LRRC49: variants seen among roughly 807,000 people sequenced by gnomAD.
The protein encoded by LRRC49 is leucine-rich repeat-containing protein 49.
A neutral mutation model predicts 83.3 loss-of-function variants in LRRC49; 50 were observed. That is an observed-to-expected ratio of 0.60 (90% CI 0.48 to 0.76). LRRC49 has a LOEUF of 0.76. Among genes scored for constraint, LRRC49 ranks in the 30% least tolerant of loss-of-function variants. LRRC49 has a pLI of 0.00. For synonymous variants in LRRC49, 286 were observed against 283.3 expected (o/e 1.01, Z -0.10); for missense variants, 704 against 809.1 (o/e 0.87, Z 1.58).
At chr15:70,940,505 A>C (rs1309409686) in intron 8 of LRRC49, among the ~76,000 whole-genome samples, 1 of 152,000 alleles carries the variant, frequency 6.6e-6, no homozygotes, top group African/African-American at 2.4e-5. Flanking sequence ...GGCCTCCCAA[A>C]GTGCTGGGAT....
At chr15:71,011,238 T>C (rs1057287054) in intron 13 of LRRC49, among the ~76,000 whole-genome samples, 1 of 152,118 alleles carries the variant, frequency 6.6e-6, no homozygotes, top group African/African-American at 2.4e-5. Context: ...TCCTAAAGGT[T>C]TTCAAAGTTA....
chr15:70,911,501 G>A (rs373683995), intron 5 of LRRC49, 31 bp from the exon 6 acceptor site: 20 of 1,256,316 alleles, frequency 1.6e-5, no homozygotes, highest in South Asian at 1.4e-4. Context: ...TGATACATCC[G>A]TATTTCTATT....
chr15:71,018,566 A>C (rs1428300458), intron 14 of LRRC49, among the ~76,000 whole-genome samples: 5 of 152,216 alleles, frequency 3.3e-5, no homozygotes, highest in African/African-American at 1.2e-4. Context: ...CAAAGCTCTT[A>C]GAACCGAACT....
chr15:70,969,522 T>A (rs1429022964), intron 9 of LRRC49, among the ~76,000 whole-genome samples: 1 of 152,230 alleles, frequency 6.6e-6, no homozygotes, highest in Non-Finnish European at 1.5e-5. Flanking sequence ...GTGAAGAAAG[T>A]CAATGGTAGC....
intron 15 of LRRC49, 99 bp from the exon 16 acceptor site, chr15:71,049,310 C>T (rs552322185): frequency 3.3e-5 from 25 of 748,124 alleles, no homozygotes; most frequent in Non-Finnish European, 5.4e-5. Context: ...AATAGGGGGT[C>T]AGAATAAATT....
At chr15:70,894,472 C>G (rs1881568) in intron 2 of LRRC49, 343,018 of 345,670 alleles carry the variant, frequency 0.99, 170,252 homozygotes, top group East Asian at 1. Flanking sequence ...AAGATTATTT[C>G]CCCATAATGT....
At chr15:70,931,975 C>T (rs569055021) in intron 7 of LRRC49, among the ~76,000 whole-genome samples, 27 of 152,194 alleles carry the variant, frequency 1.8e-4, no homozygotes, top group Admixed American at 3.3e-4. Flanking sequence ...TTATTGATTT[C>T]CTCAAAGCTG....
chr15:70,973,895 G>A (rs2037105953), intron 9 of LRRC49, among the ~76,000 whole-genome samples: 1 of 152,102 alleles, frequency 6.6e-6, no homozygotes, highest in South Asian at 2.1e-4. Context: ...TTGGGAGGTT[G>A]AGGTGGGCGG....
chr15:70,960,958 G>A (rs919626311), intron 8 of LRRC49, among the ~76,000 whole-genome samples: 1 of 152,092 alleles, frequency 6.6e-6, no homozygotes. Context: ...AGAAACATCT[G>A]TTCTGTGAAA....
At chr15:70,987,242 T>C (rs1470790512) in intron 11 of LRRC49, among the ~76,000 whole-genome samples, 4 of 152,216 alleles carry the variant, frequency 2.6e-5, no homozygotes, top group Non-Finnish European at 5.9e-5. Context: ...CTGGTAGAAT[T>C]CGGCTGTGAA....
intron 14 of LRRC49, among the ~76,000 whole-genome samples, chr15:71,029,587 G>C (rs948877929): frequency 1.3e-5 from 2 of 152,106 alleles, no homozygotes; most frequent in African/African-American, 4.8e-5. Context: ...TTAATTTTGT[G>C]TCTTGTTGAT....
At chr15:70,892,255 C>T, upstream of LRRC49, 1 of 1,576,606 alleles carries the variant, frequency 6.3e-7, no homozygotes, top group South Asian at 1.2e-5. Flanking sequence ...AGTGGGCGGC[C>T]ACACAACGGG....
intron 2 of LRRC49, chr15:70,873,316 C>T (rs780616283): frequency 3.6e-5 from 46 of 1,294,272 alleles, no homozygotes; most frequent in Non-Finnish European, 4.6e-5. Flanking sequence ...GGTCAAAATA[C>T]TAACTAAAGC....
intron 9 of LRRC49, among the ~76,000 whole-genome samples, chr15:70,966,358 T>C (rs899035337): frequency 6.6e-6 from 1 of 152,078 alleles, no homozygotes; most frequent in Non-Finnish European, 1.5e-5. Context: ...GGCAAATTAG[T>C]AGCTCAAATA....
In LRRC49 at chr15:70,894,097, TG is replaced by T. The variant is rs2033718261; in HGVS notation, c.105+458del. 3.3e-5 allele frequency among the ~76,000 whole-genome samples: 5 copies of T among 152,308 alleles called. No individual in the cohort carries two copies. The South Asian group carries it at 1.0e-3, about 32-fold the overall frequency. On this transcript the variant is annotated intron_variant, in intron 2 of 15. Transcript: ENST00000260382. ...TTTTTTGTAGAGACAGGTTTCACCA[TG>T]TTGCCCAGGCTGTTCTCGAGCTCCT...
chr15:70,919,104 G>T lies in LRRC49; in HGVS notation c.622G>T (p.Ala208Ser), dbSNP rs1363357837. 6.2e-7 allele frequency: 1 copy of T among 1,611,998 alleles called. No homozygotes were observed. The highest frequency in any genetic ancestry group is 1.3e-5 in the African/African-American group (1 of 74,942). Residue 208 changes from alanine to serine, a missense_variant, in exon 7 of 16, where the codon GCC becomes TCC. Coordinates refer to ENST00000260382, the MANE Select transcript of LRRC49 (RefSeq NM_017691.5). ...GTGTGAGTTGAGAGTTTTAAATCTTGCCAGGAACTTTTTAAGTCATGTTGA... is the reference window on the plus strand; with the variant it reads ...GTGTGAGTTGAGAGTTTTAAATCTTTCCAGGAACTTTTTAAGTCATGTTGA... ...HLCELRVLNL[A>S]RNFLSHVDNL...
At chr15:70,976,416 T>C (rs888034291) in intron 9 of LRRC49, among the ~76,000 whole-genome samples, 17 of 152,216 alleles carry the variant, frequency 1.1e-4, no homozygotes, top group African/African-American at 4.1e-4. Context: ...ATAACTAAAG[T>C]ATATGGTTAA....
intron 14 of LRRC49, among the ~76,000 whole-genome samples, chr15:71,020,032 C>G (rs2038945817): frequency 6.6e-6 from 1 of 151,916 alleles, no homozygotes; most frequent in Non-Finnish European, 1.5e-5. Context: ...CATGCATAGA[C>G]TATAAAACGA....
chr15:71,034,851 T>G (rs563249653), intron 14 of LRRC49, among the ~76,000 whole-genome samples: 1 of 151,980 alleles, frequency 6.6e-6, no homozygotes, highest in East Asian at 1.9e-4. Flanking sequence ...AATGAGAACA[T>G]ATGGTCACAG....
Sources: gnomAD v4.1 joint callset for allele counts (sites outside exome capture counted in the v4.1 genomes callset) on GRCh38, gnomAD v4.1.1 for gene constraint, MANE v1.5 for transcripts, NCBI Gene and HGNC (gene_info 2026-07-23, HGNC 2026-07-21) for gene names.